The following ATG7 variants were observed in gnomAD, a reference collection of about 807,000 sequenced individuals.
ATG7 encodes the protein autophagy related 7.
ATG7 carries 70 observed loss-of-function variants against 82.4 expected under a neutral mutation model. The ratio of observed to expected loss-of-function variants is 0.85; its 90% CI spans 0.70 to 1.04. The LOEUF (loss-of-function observed/expected upper bound fraction) is 1.04, where lower values mean the gene tolerates loss of function less well. Ranked by LOEUF, ATG7 falls within the 50% of genes least tolerant of loss-of-function variation. The pLI is 0.00. For synonymous variants in ATG7, 287 were observed against 313.0 expected, an observed-to-expected ratio of 0.92 and a Z score of 0.88; for missense variants, 792 against 864.3, an observed-to-expected ratio of 0.92 and a Z score of 1.05.
intron 18 of ATG7, among the ~76,000 whole-genome samples, chr3:11,376,279 A>G (rs1037707815): frequency 2.0e-5 from 3 of 152,238 alleles, no homozygotes; most frequent in Admixed American, 6.5e-5. Flanking sequence ...AACTGTTCAT[A>G]TACTAAAAAC....
chr3:11,366,043 C>A (rs1399761476), intron 18 of ATG7, among the ~76,000 whole-genome samples: 5 of 151,876 alleles, frequency 3.3e-5, no homozygotes, highest in South Asian at 2.1e-4. Flanking sequence ...CATGGTGAAA[C>A]CCCGTCTCTA....
chr3:11,338,477 T>A (rs1208120690), intron 11 of ATG7, among the ~76,000 whole-genome samples: 1 of 123,808 alleles, frequency 8.1e-6, no homozygotes, highest in Non-Finnish European at 1.9e-5. Context: ...GAACTCTTTT[T>A]TTTCCCCACA....
At chr3:11,442,770 A>AAAAG (rs2084122215) in intron 20 of ATG7, among the ~76,000 whole-genome samples, 1 of 148,442 alleles carries the variant, frequency 6.7e-6, no homozygotes, top group Non-Finnish European at 1.5e-5. Context: ...AAAAAAAAAA[A>AAAAG]ATTAGCCAGG....
chr3:11,488,789 G>A (rs573097363), intron 20 of ATG7, among the ~76,000 whole-genome samples: 2 of 152,310 alleles, frequency 1.3e-5, no homozygotes, highest in African/African-American at 4.8e-5. Flanking sequence ...TTGATGTGCT[G>A]CTGGATTCGG....
chr3:11,553,772 G>A (rs2072077752), intron 20 of ATG7, among the ~76,000 whole-genome samples: 1 of 152,178 alleles, frequency 6.6e-6, no homozygotes, highest in African/African-American at 2.4e-5. Flanking sequence ...TGGGTCCTCA[G>A]GAGAGAGGAA....
At position 11,282,220 on chromosome 3, in the gene ATG7, C is replaced by T. The variant is rs1943193755; in HGVS notation, c.-229C>T. ...TTCTCAAACCCCATAATGCTGGTATCCAGTGCATCCGTTCTCAAAAACTGA... is the reference window on the plus strand; with the variant it reads ...TTCTCAAACCCCATAATGCTGGTATTCAGTGCATCCGTTCTCAAAAACTGA... On this transcript the variant is annotated 5_prime_UTR_variant, in exon 3 of 21. Transcript: ENST00000693202. 6.6e-6 allele frequency: 1 copy of T among 152,192 alleles called. No homozygotes were observed. Among genetic ancestry groups the T allele is most frequent in the South Asian group, 2.1e-4 (1 of 4,828 alleles). 9.4% of individuals were successfully genotyped at this position (152,192 alleles called of 1,614,324 possible).
At chr3:11,560,802 G>A (rs76278386), downstream of ATG7, among the ~76,000 whole-genome samples, 5,184 of 152,260 alleles carry the variant, frequency 0.034, 239 homozygotes, top group African/African-American at 0.1. Context: ...TCCATGGTGT[G>A]CACAGGTGGC....
the ATG7 span, among the ~76,000 whole-genome samples, chr3:11,566,919 C>T: frequency 6.6e-6 from 1 of 152,034 alleles, no homozygotes; most frequent in Non-Finnish European, 1.5e-5. Flanking sequence ...TATGGGTGAC[C>T]GTGTAAGAAA....
rs1416201651 is a variant in ATG7 at position 11,299,005 on chromosome 3, C to T, written c.160+150C>T. On this transcript the variant is annotated intron_variant, in intron 4 of 20. Coordinates refer to ENST00000693202, the MANE Select transcript of ATG7 (RefSeq NM_001349232.2). ...CTATTTTACTTCCTGACTTTTTGAT[C>T]CCAGTTCATTTTCATTTATTTTCTC... The T allele has an allele frequency of 5.6e-5, 48 of 851,316 alleles. No homozygotes were observed. In the Admixed American group the frequency reaches 9.6e-4, roughly 17 times the overall value. The allele number at this position is 851,316 out of a possible 1,614,324, so 52.7% of individuals were successfully genotyped here. A position where few individuals can be genotyped will look rare whatever the true frequency, so the allele number is the denominator to read the frequency against.
intron 20 of ATG7, among the ~76,000 whole-genome samples, chr3:11,464,002 G>T (rs943161569): frequency 2.0e-5 from 3 of 152,224 alleles, no homozygotes; most frequent in Non-Finnish European, 4.4e-5. Flanking sequence ...AAACCTGAGA[G>T]CATATCAGGA....
chr3:11,273,011 C>G (rs538289088), intron 1 of ATG7, among the ~76,000 whole-genome samples: 5 of 152,198 alleles, frequency 3.3e-5, no homozygotes, highest in Non-Finnish European at 7.3e-5. Context: ...TAGAGTCAAA[C>G]TTCTAATTTT....
At chr3:11,301,100 A>C (rs142911793) in intron 5 of ATG7, among the ~76,000 whole-genome samples, 42 of 152,306 alleles carry the variant, frequency 2.8e-4, no homozygotes, top group African/African-American at 8.9e-4. Flanking sequence ...TCAGAGGAAA[A>C]CCAGAAAAGT....
intron 3 of ATG7, among the ~76,000 whole-genome samples, chr3:11,284,574 C>T (rs182736852): frequency 7.2e-5 from 11 of 151,992 alleles, no homozygotes; most frequent in Admixed American, 3.9e-4. Context: ...TTTTTTGAGA[C>T]GGGGTCTTGC....
At chr3:11,391,168 T>A (rs573116885) in intron 19 of ATG7, among the ~76,000 whole-genome samples, 2 of 152,302 alleles carry the variant, frequency 1.3e-5, no homozygotes, top group East Asian at 1.9e-4. Context: ...TCTTTAGAAG[T>A]TGACAAAAAA....
In ATG7 at chr3:11,363,681, T is replaced by G. The variant is rs76931731; in HGVS notation, c.1799+753T>G. On this transcript the variant is annotated intron_variant, in intron 17 of 20. Coordinates refer to ENST00000693202, the MANE Select transcript of ATG7 (RefSeq NM_001349232.2). ...TACATAGTAAATGGAAAAGCCAGGG[T>G]TTAGCTCAACCAGTGTGGCTCCAGA... is the stretch of plus-strand genomic sequence containing the variant. Among the ~76,000 whole-genome samples, 47 of 152,320 alleles carry G rather than the reference T, an allele frequency of 3.1e-4. No homozygotes were observed. In the East Asian group the frequency reaches 8.1e-3, roughly 26 times the overall value.
chr3:11,445,560 GA>G (rs2084463213), intron 20 of ATG7, among the ~76,000 whole-genome samples: 1 of 152,124 alleles, frequency 6.6e-6, no homozygotes, highest in African/African-American at 2.4e-5. Context: ...AGAGGATCAG[GA>G]AAAATAACTA....
rs1330895008 is a variant in ATG7, at chr3:11,483,395, AC to A, written c.2079+56470del. Reference sequence around the variant, plus strand: ...TTGTCAGATATCCACTGAGCTCCCAACACGCACAGATCTTGCTTTCCTTTTT... The same window carrying A: ...TTGTCAGATATCCACTGAGCTCCCAAACGCACAGATCTTGCTTTCCTTTTT... On this transcript the variant is annotated intron_variant, in intron 20 of 20. Coordinates refer to ENST00000693202, the MANE Select transcript of ATG7 (RefSeq NM_001349232.2). Among the ~76,000 whole-genome samples, 424 of 152,302 alleles carry A rather than the reference AC, an allele frequency of 2.8e-3. 1 individual carries two copies. The highest frequency in any genetic ancestry group is 6.8e-3 in the Middle Eastern group (2 of 294).
At position 11,358,399 on chromosome 3, in the gene ATG7, C is replaced by A; in HGVS notation, c.1285-19C>A. 2 of 1,603,540 alleles carry A rather than the reference C, an allele frequency of 1.2e-6. No homozygotes were observed. Among genetic ancestry groups the A allele is most frequent in the Non-Finnish European group, 1.7e-6 (2 of 1,174,334 alleles). ...TATACCATTGCTCCAGACATAACTA[C>A]GTCCTGGTGTTTCCCTAGAATGCCA... On this transcript the variant is annotated intron_variant, in intron 14 of 20. Transcript: ENST00000693202.
chr3:11,456,210 G>A (rs2085697464), intron 20 of ATG7, among the ~76,000 whole-genome samples: 2 of 152,150 alleles, frequency 1.3e-5, no homozygotes, highest in African/African-American at 4.8e-5. Context: ...TGCGTGTTCT[G>A]AACATCTCAT....
Sources: gnomAD v4.1 joint callset for allele counts (sites outside exome capture counted in the v4.1 genomes callset) on GRCh38, gnomAD v4.1.1 for gene constraint, MANE v1.5 for transcripts, NCBI Gene and HGNC (gene_info 2026-07-23, HGNC 2026-07-21) for gene names.